Variants in ARHGAP32 observed in about 807,000 individuals in gnomAD.
The protein encoded by ARHGAP32 is rho GTPase-activating protein 32.
In ARHGAP32, 51 loss-of-function variants were observed where a neutral mutation model predicts 186.5. That is an observed-to-expected ratio of 0.27 (90% CI 0.22 to 0.35). ARHGAP32 has a LOEUF of 0.35. Ranked by LOEUF, ARHGAP32 falls within the 10% of genes least tolerant of loss-of-function variation. The probability of loss-of-function intolerance (pLI) is 1.00; values close to 1 mark genes in which losing one functional copy is unlikely to be tolerated. For missense variants in ARHGAP32, 2,186 were observed against 2,623.5 expected (o/e 0.83, Z 3.64); for synonymous variants, 950 against 964.3 (o/e 0.99, Z 0.27).
Position 129,123,771 on chromosome 11 carries a change from T to C in ARHGAP32, c.359+117A>G, listed in dbSNP as rs955280547. ...AAGCATCACCGTTATCTCCTAATTT[T>C]GACCCGAATCAATGTCCATAGAAAA... On this transcript the variant is annotated intron_variant, in intron 4 of 22. Coordinates refer to ENST00000682385, the MANE Select transcript of ARHGAP32 (RefSeq NM_001378024.1). The surrounding 1 kb of genome is among the most constrained non-coding windows in gnomAD (Gnocchi z 4.6). 26 of 888,766 alleles carry C rather than the reference T, an allele frequency of 2.9e-5. No individual in the cohort carries two copies. Among genetic ancestry groups the C allele is most frequent in the Non-Finnish European group, 3.9e-5 (24 of 617,378 alleles). 55.1% of individuals were successfully genotyped at this position (888,766 alleles called of 1,614,324 possible). A position where few individuals can be genotyped will look rare whatever the true frequency, so the allele number is the denominator to read the frequency against.
intron 12 of ARHGAP32, chr11:128,993,356 G>A (rs1346532274): frequency 1.3e-5 from 2 of 152,008 alleles, no homozygotes; most frequent in African/African-American, 4.8e-5. Context: ...ACGTAATTTT[G>A]ATACGAGCTT....
chr11:129,238,386 T>A (rs537403555), intron 1 of ARHGAP32, among the ~76,000 whole-genome samples: 9 of 152,212 alleles, frequency 5.9e-5, no homozygotes, highest in Non-Finnish European at 1.5e-5. Context: ...CAGAGAAAAA[T>A]GTTGCACAGT....
rs371967020 is a variant in ARHGAP32 at position 129,037,435 on chromosome 11, G to C, written c.1045+3493C>G. ...CTTGAGCCCAGGAGTTTGAGGACTT[G>C]TGAACTATGATCACACCATCGCACT... On this transcript the variant is annotated intron_variant, in intron 11 of 22. Transcript: ENST00000682385. 2.8e-3 allele frequency among the ~76,000 whole-genome samples: 425 copies of C among 151,974 alleles called. 9 individuals carry two copies. The South Asian group carries it at 0.044, about 16-fold the overall frequency.
At chr11:128,971,301 C>A in intron 22 of ARHGAP32, 142 bp from the exon 23 acceptor site, 1 of 642,490 alleles carries the variant, frequency 1.6e-6, no homozygotes, top group Non-Finnish European at 2.6e-6. Context: ...TGAATCTGTA[C>A]CCATTTCTAG....
intron 2 of ARHGAP32, among the ~76,000 whole-genome samples, chr11:129,142,861 AAC>A (rs751481540): frequency 2.6e-5 from 4 of 151,786 alleles, no homozygotes; most frequent in Non-Finnish European, 5.9e-5. Context: ...CACTTTTTTT[AAC>A]AGATTCAAAT....
At chr11:129,094,077 A>G (rs770546122) in intron 5 of ARHGAP32, among the ~76,000 whole-genome samples, 25 of 152,214 alleles carry the variant, frequency 1.6e-4, no homozygotes, top group Middle Eastern at 3.4e-3. Flanking sequence ...GTTTAATTTC[A>G]AAATCACCAT....
At chr11:129,194,857 T>C (rs1944370970), upstream of ARHGAP32, among the ~76,000 whole-genome samples, 1 of 151,488 alleles carries the variant, frequency 6.6e-6, no homozygotes, top group African/African-American at 2.4e-5. Flanking sequence ...TGACCTTCAG[T>C]AAAGAATTGG....
intron 1 of ARHGAP32, among the ~76,000 whole-genome samples, chr11:129,172,327 T>A (rs1447125426): frequency 1.3e-5 from 2 of 152,190 alleles, no homozygotes; most frequent in African/African-American, 4.8e-5. Flanking sequence ...GCTCTTATTG[T>A]TTTGAAATAT....
At chr11:129,228,364 A>G (rs1257118639) in intron 1 of ARHGAP32, among the ~76,000 whole-genome samples, 2 of 152,202 alleles carry the variant, frequency 1.3e-5, no homozygotes. Context: ...AAGGTATCAG[A>G]GCAGAAAGAA....
intron 2 of ARHGAP32, among the ~76,000 whole-genome samples, chr11:129,162,506 C>T (rs1234440862): frequency 1.3e-5 from 2 of 152,090 alleles, no homozygotes; most frequent in Admixed American, 1.3e-4. Flanking sequence ...CTCCTATGAA[C>T]AGTCAGCATG....
chr11:129,066,805 G>A lies in ARHGAP32; in HGVS notation c.595C>T (p.Leu199=), dbSNP rs1430644283. 1 of 1,612,140 alleles carries A rather than the reference G, an allele frequency of 6.2e-7. No homozygotes were observed. Among genetic ancestry groups the A allele is most frequent in the South Asian group, 1.1e-5 (1 of 90,974 alleles). Residue 199 remains leucine (L), a synonymous_variant, in exon 7 of 23, where the codon CTG becomes TTG. Coordinates refer to ENST00000682385, the MANE Select transcript of ARHGAP32 (RefSeq NM_001378024.1). ...GAAAATCTTCGGTCATAAATACACA[G>A]ATGAAGATGTTTATCAAGTACCCGA... ...DFRVLDKHLH[L]CIYDRRFSQL...
intron 1 of ARHGAP32, among the ~76,000 whole-genome samples, chr11:129,216,858 T>C: frequency 6.6e-6 from 1 of 152,166 alleles, no homozygotes; most frequent in East Asian, 1.9e-4. Context: ...TATTAATTTC[T>C]ACTTTTATTC....
intron 1 of ARHGAP32, among the ~76,000 whole-genome samples, chr11:129,210,717 C>T (rs1055803125): frequency 6.6e-6 from 1 of 152,214 alleles, no homozygotes; most frequent in Non-Finnish European, 1.5e-5. Context: ...ATTAACCACT[C>T]AACTATTTCC....
intron 1 of ARHGAP32, among the ~76,000 whole-genome samples, chr11:129,179,508 G>T (rs544767218): frequency 4.6e-5 from 7 of 151,514 alleles, no homozygotes; most frequent in Non-Finnish European, 5.9e-5. Flanking sequence ...TGTTTATTGC[G>T]GCATTATTCA....
chr11:129,071,354 C>G (rs1940859567), intron 6 of ARHGAP32, among the ~76,000 whole-genome samples: 1 of 151,614 alleles, frequency 6.6e-6, no homozygotes, highest in Non-Finnish European at 1.5e-5. Flanking sequence ...ATTCAAAGAA[C>G]TCTACAGAAA....
chr11:129,193,274 C>A (rs1383598250), upstream of ARHGAP32, among the ~76,000 whole-genome samples: 1 of 113,842 alleles, frequency 8.8e-6, no homozygotes, highest in African/African-American at 3.6e-5. Context: ...GAGTTCAAGA[C>A]CAACCTGGGC....
At chr11:129,154,000 T>C (rs1287649648) in intron 2 of ARHGAP32, among the ~76,000 whole-genome samples, 2 of 151,476 alleles carry the variant, frequency 1.3e-5, no homozygotes, top group African/African-American at 4.9e-5. Context: ...AAAGAGCTAA[T>C]ACCCAGAATT....
At chr11:129,062,810 G>C (rs1241330957) in intron 9 of ARHGAP32, among the ~76,000 whole-genome samples, 1 of 146,882 alleles carries the variant, frequency 6.8e-6, no homozygotes, top group Non-Finnish European at 1.5e-5. Context: ...GCACTGTACT[G>C]AGCTCTTGAC....
chr11:129,138,274 G>A (rs1294805367), intron 2 of ARHGAP32, among the ~76,000 whole-genome samples: 2 of 132,450 alleles, frequency 1.5e-5, no homozygotes, highest in African/African-American at 5.8e-5. Flanking sequence ...CTTAATATAA[G>A]CCACAAGTAT....
Sources: allele counts gnomAD v4.1 joint callset (sites outside exome capture counted in the v4.1 genomes callset), GRCh38; gene constraint gnomAD v4.1.1; non-coding constraint Gnocchi (gnomAD v3.1); transcripts MANE v1.5; gene names NCBI Gene and HGNC (gene_info 2026-07-23, HGNC 2026-07-21).